PRKD1: variants seen among roughly 807,000 people sequenced by gnomAD.
The protein encoded by PRKD1 is protein kinase D1, also known as serine/threonine-protein kinase D1.
Under a neutral mutation model 95.9 loss-of-function variants are expected in PRKD1, and 63 were observed. The ratio of observed to expected loss-of-function variants is 0.66; its 90% CI spans 0.54 to 0.81. PRKD1 has a LOEUF of 0.81. Among genes scored for constraint, PRKD1 ranks in the 30% least tolerant of loss-of-function variants. The pLI is 0.00. For synonymous variants in PRKD1, 425 were observed against 423.1 expected, an observed-to-expected ratio of 1.00 and a Z score of -0.05; for missense variants, 1,048 against 1,165.3, an observed-to-expected ratio of 0.90 and a Z score of 1.47.
intron 1 of PRKD1, among the ~76,000 whole-genome samples, chr14:29,843,380 T>C (rs1356707530): frequency 6.6e-6 from 1 of 152,148 alleles, no homozygotes; most frequent in Non-Finnish European, 1.5e-5. Context: ...GACTTTTTTA[T>C]GGCAGCTCCA....
chr14:29,622,315 C>A (rs925868801), intron 13 of PRKD1, among the ~76,000 whole-genome samples: 1 of 152,006 alleles, frequency 6.6e-6, no homozygotes, highest in African/African-American at 2.4e-5. Context: ...CTGAGGACCT[C>A]TGTTTTAGAA....
At chr14:29,652,001 C>A (rs982156724) in intron 4 of PRKD1, among the ~76,000 whole-genome samples, 1 of 152,240 alleles carries the variant, frequency 6.6e-6, no homozygotes, top group African/African-American at 2.4e-5. Context: ...CCGCCTTGGC[C>A]TCCCAAAGTG....
At chr14:29,657,865 T>TCAAAACAAAA (rs564302439) in intron 4 of PRKD1, 1 of 151,822 alleles carries the variant, frequency 6.6e-6, no homozygotes, top group African/African-American at 2.4e-5. Context: ...AGATTCCATC[T>TCAAAACAAAA]CAAAACAAAA....
chr14:29,861,102 G>A (rs1223883682), intron 1 of PRKD1, among the ~76,000 whole-genome samples: 1 of 152,022 alleles, frequency 6.6e-6, no homozygotes, highest in Admixed American at 6.6e-5. Flanking sequence ...AAACTCATTT[G>A]TCTGCCAGAA....
intron 1 of PRKD1, among the ~76,000 whole-genome samples, chr14:29,729,268 G>A (rs554065211): frequency 6.6e-6 from 1 of 152,188 alleles, no homozygotes; most frequent in South Asian, 2.1e-4. Flanking sequence ...TTCCTTAAAT[G>A]TTTGGTAGAA....
intron 1 of PRKD1, among the ~76,000 whole-genome samples, chr14:29,813,949 T>C (rs7152424): frequency 0.054 from 8,255 of 152,250 alleles, 632 homozygotes; most frequent in African/African-American, 0.17. Flanking sequence ...TGGGTAAACA[T>C]TGGGCTGTTC....
intron 1 of PRKD1, among the ~76,000 whole-genome samples, chr14:29,746,580 A>G: frequency 6.6e-6 from 1 of 151,884 alleles, no homozygotes; most frequent in African/African-American, 2.4e-5. Flanking sequence ...TTAACATGTG[A>G]GCTCACTTGG....
At chr14:29,702,225 A>T (rs144512463) in intron 2 of PRKD1, among the ~76,000 whole-genome samples, 1 of 152,078 alleles carries the variant, frequency 6.6e-6, no homozygotes, top group Non-Finnish European at 1.5e-5. Flanking sequence ...AACCCCTCTA[A>T]TTGCGTGTAA....
chr14:29,634,943 A>T (rs1450975309), intron 7 of PRKD1, among the ~76,000 whole-genome samples: 1 of 151,708 alleles, frequency 6.6e-6, no homozygotes, highest in Non-Finnish European at 1.5e-5. Context: ...GCTGAGGCAG[A>T]GAATTGCTTG....
intron 13 of PRKD1, among the ~76,000 whole-genome samples, chr14:29,609,506 G>GCACACA (rs150570301): frequency 0.062 from 7,873 of 127,198 alleles, 308 homozygotes; most frequent in African/African-American, 0.09. Flanking sequence ...GTGTGTGCGT[G>GCACACA]CACACACACA....
At chr14:29,640,629 A>T (rs528156275) in intron 4 of PRKD1, among the ~76,000 whole-genome samples, 49 of 152,338 alleles carry the variant, frequency 3.2e-4, no homozygotes, top group African/African-American at 1.1e-3. Flanking sequence ...AATGGAATTA[A>T]AGAATAATTA....
intron 2 of PRKD1, among the ~76,000 whole-genome samples, chr14:29,691,646 C>A (rs1168222132): frequency 6.6e-6 from 1 of 152,052 alleles, no homozygotes; most frequent in Non-Finnish European, 1.5e-5. Context: ...CAAAAGTAAT[C>A]AGGTTGGTGC....
intron 1 of PRKD1, among the ~76,000 whole-genome samples, chr14:29,821,726 C>T (rs1278830307): frequency 6.6e-6 from 1 of 152,098 alleles, no homozygotes; most frequent in Non-Finnish European, 1.5e-5. Flanking sequence ...TACTGATGGG[C>T]AAAATATCAT....
intron 2 of PRKD1, among the ~76,000 whole-genome samples, chr14:29,702,828 A>G (rs1045806589): frequency 1.3e-5 from 2 of 152,172 alleles, no homozygotes; most frequent in Admixed American, 6.5e-5. Context: ...CATTTTAGCA[A>G]TATCCTAAAA....
intron 1 of PRKD1, among the ~76,000 whole-genome samples, chr14:29,781,534 G>A (rs922006216): frequency 1.3e-5 from 2 of 152,188 alleles, no homozygotes; most frequent in African/African-American, 2.4e-5. Flanking sequence ...AGTCAGGGAG[G>A]CACCTGCTTC....
chr14:29,809,138 C>G (rs1180111780), intron 1 of PRKD1, among the ~76,000 whole-genome samples: 1 of 152,196 alleles, frequency 6.6e-6, no homozygotes, highest in Non-Finnish European at 1.5e-5. Flanking sequence ...TGAAAGGAAT[C>G]TTTTTTATCT....
chr14:29,798,752 AT>A (rs1430578413), intron 1 of PRKD1, among the ~76,000 whole-genome samples: 1 of 152,230 alleles, frequency 6.6e-6, no homozygotes, highest in Non-Finnish European at 1.5e-5. Context: ...GGCTTGCAAT[AT>A]CTTTTCAGAA....
rs4261424 is a variant in PRKD1, at chr14:29,828,141, A to C, written c.264+99108T>G. ...TTAGTGTTTGTCCATTTGCATCGCT[A>C]TAAAGGAATACCTGAGCTTGAGTAA... On this transcript the variant is annotated intron_variant, in intron 1 of 17. Transcript: ENST00000331968. Among the ~76,000 whole-genome samples, 7 of 152,266 alleles carry C rather than the reference A, an allele frequency of 4.6e-5. No homozygotes were observed. In the East Asian group the frequency reaches 1.4e-3, roughly 29 times the overall value.
intron 1 of PRKD1, among the ~76,000 whole-genome samples, chr14:29,816,866 A>C (rs1006228043): frequency 6.6e-6 from 1 of 152,188 alleles, no homozygotes; most frequent in Non-Finnish European, 1.5e-5. Flanking sequence ...TGGAATTCTA[A>C]GAGACCATAT....
Sources: gnomAD v4.1 joint callset for allele counts (sites outside exome capture counted in the v4.1 genomes callset) on GRCh38, gnomAD v4.1.1 for gene constraint, MANE v1.5 for transcripts, NCBI Gene and HGNC (gene_info 2026-07-23, HGNC 2026-07-21) for gene names.